CNGB1: variants seen among roughly 807,000 people sequenced by gnomAD.
CNGB1 encodes the protein cyclic nucleotide gated channel subunit beta 1, also known as cyclic nucleotide-gated channel beta-1.
CNGB1 carries 126 observed loss-of-function variants against 151.7 expected under a neutral mutation model. The observed-to-expected ratio is 0.83, with a 90% confidence interval of 0.72 to 0.96. The LOEUF (loss-of-function observed/expected upper bound fraction) is 0.96, where lower values mean the gene tolerates loss of function less well. CNGB1 is among the 40% of genes least tolerant of loss of function. The pLI is 0.00. For missense variants in CNGB1, 1,698 were observed against 1,627.0 expected, an observed-to-expected ratio of 1.04 and a Z score of -0.75; for synonymous variants, 623 against 635.1, an observed-to-expected ratio of 0.98 and a Z score of 0.29.
chr16:57,960,428 A>G (rs1962214149), intron 9 of CNGB1, 54 bp downstream of exon 9: 6 of 1,591,164 alleles, frequency 3.8e-6, no homozygotes, highest in Non-Finnish European at 5.2e-6. Flanking sequence ...TTGATCCCTG[A>G]GCCCAGCCCG....
In CNGB1 at chr16:57,882,548, C is replaced by T. The variant is rs1959783451; in HGVS notation, c.*1616G>A. Reference sequence around the variant, plus strand: ...TAGTGGATGGACAAATACATACAGACATTTGCAAACCTTCAAAGGCCTCTG... The same window carrying T: ...TAGTGGATGGACAAATACATACAGATATTTGCAAACCTTCAAAGGCCTCTG... On this transcript the variant is annotated 3_prime_UTR_variant, in exon 33 of 33. Coordinates refer to ENST00000251102, the MANE Select transcript of CNGB1 (RefSeq NM_001297.5). 6.6e-6 allele frequency: 1 copy of T among 152,114 alleles called. No individual in the cohort carries two copies. Among genetic ancestry groups the T allele is most frequent in the African/African-American group, 2.4e-5 (1 of 41,402 alleles). The allele number at this position is 152,114 out of a possible 1,614,324, so 9.4% of individuals were successfully genotyped here.
In CNGB1 at chr16:57,941,180, G is replaced by A. The variant is rs181099404; in HGVS notation, c.1122-859C>T. Reference sequence around the variant, plus strand: ...CATCTCCAGGCTAAATTAGATGTCCGTGTGCGACCTCTGGGTTAAAATGAT... The same window carrying A: ...CATCTCCAGGCTAAATTAGATGTCCATGTGCGACCTCTGGGTTAAAATGAT... On this transcript the variant is annotated intron_variant, in intron 14 of 32. Transcript: ENST00000251102. 1.4e-3 allele frequency among the ~76,000 whole-genome samples: 218 copies of A among 152,260 alleles called. 2 individuals are homozygous for A. Among genetic ancestry groups the A allele is most frequent in the Non-Finnish European group, 4.3e-4 (29 of 68,028 alleles).
intron 17 of CNGB1, 112 bp downstream of exon 17, chr16:57,931,604 C>G (rs1438085199): frequency 1.6e-6 from 2 of 1,239,870 alleles, no homozygotes; most frequent in East Asian, 2.5e-5. Context: ...GACACCAACT[C>G]GCTGTGTGAT....
chr16:57,966,085 G>T (rs1388413212), intron 2 of CNGB1, among the ~76,000 whole-genome samples: 8 of 152,058 alleles, frequency 5.3e-5, no homozygotes, highest in African/African-American at 1.9e-4. Flanking sequence ...TTAAAATTCT[G>T]CTCCACCCTC....
At position 57,920,501 on chromosome 16, in the gene CNGB1, T is replaced by C; in HGVS notation, c.1687A>G (p.Ile563Val). Residue 563 changes from isoleucine to valine, a missense_variant, in exon 19 of 33, where the codon ATC becomes GTC. Transcript: ENST00000251102. The stretch of plus-strand genomic sequence containing the variant: ...AGCTCCTGGAGCCGGTCGTTGATGA[T>C]GGCGCTATTTGTGCTGGCCGTGGAG... ...AASTASTNSA[I>V]INDRLQELVK... The C allele has an allele frequency of 6.2e-7, 1 of 1,614,086 alleles. No homozygotes were observed. The highest frequency in any genetic ancestry group is 1.1e-5 in the South Asian group (1 of 91,084).
intron 27 of CNGB1, 68 bp downstream of exon 27, chr16:57,903,754 A>G (rs569082577): frequency 6.3e-7 from 1 of 1,578,964 alleles, no homozygotes; most frequent in East Asian, 2.2e-5. Flanking sequence ...CCCCGAAGGC[A>G]TGGCACCGGG....
At chr16:57,941,624 A>G (rs532628991) in intron 14 of CNGB1, among the ~76,000 whole-genome samples, 2 of 152,370 alleles carry the variant, frequency 1.3e-5, no homozygotes, top group East Asian at 3.9e-4. Context: ...ATAGATGCAG[A>G]AAAAGTAATT....
chr16:57,920,295 C>A (rs1406469847), intron 19 of CNGB1, 92 bp downstream of exon 19: 1 of 1,471,822 alleles, frequency 6.8e-7, no homozygotes, highest in Non-Finnish European at 9.4e-7. Flanking sequence ...TCAACCATTT[C>A]CTTGGGGCCA....
At chr16:57,970,746 G>A (rs556470383) in intron 1 of CNGB1, among the ~76,000 whole-genome samples, 1 of 152,302 alleles carries the variant, frequency 6.6e-6, no homozygotes, top group South Asian at 2.1e-4. Flanking sequence ...GGGAGGCTCA[G>A]GTGGGAAGGG....
intron 7 of CNGB1, among the ~76,000 whole-genome samples, chr16:57,961,220 C>G (rs1962248169): frequency 6.6e-6 from 1 of 152,240 alleles, no homozygotes; most frequent in African/African-American, 2.4e-5. Flanking sequence ...TGTGCTGGAA[C>G]AGACAGGGCT....
chr16:57,964,357 C>G (rs1351238311), intron 3 of CNGB1, 130 bp downstream of exon 3: 2 of 1,397,446 alleles, frequency 1.4e-6, no homozygotes, highest in African/African-American at 2.8e-5. Context: ...GGGAGCCCAC[C>G]CTTAGCTTCT....
intron 14 of CNGB1, among the ~76,000 whole-genome samples, chr16:57,946,948 G>T (rs1275758313): frequency 6.6e-6 from 1 of 152,260 alleles, no homozygotes; most frequent in African/African-American, 2.4e-5. Context: ...ATGTGCATTT[G>T]TGCAAGGCTG....
Position 57,967,202 on chromosome 16 carries a change from G to T in CNGB1, c.85C>A (p.Pro29Thr). The T allele has an allele frequency of 6.2e-7, 1 of 1,614,120 alleles. No individual in the cohort carries two copies. Among genetic ancestry groups the T allele is most frequent in the Non-Finnish European group, 8.5e-7 (1 of 1,180,028 alleles). ...ACCTCCGCCTCCATCTCTGGCTCTG[G>T]TTCCACTTCCTCTTCCTCCTGCATC... ...TKMQEEEEVEPEPEMEAEVEP... is the reference protein window; with the variant it reads ...TKMQEEEEVETEPEMEAEVEP... Residue 29 changes from proline (P) to threonine (T), a missense_variant, in exon 2 of 33, where the codon CCA becomes ACA. Physicochemically the swap from Pro to Thr is conservative, Grantham distance 38 (BLOSUM62 -1). Coordinates refer to ENST00000251102, the MANE Select transcript of CNGB1 (RefSeq NM_001297.5).
chr16:57,960,652 C>T, intron 8 of CNGB1, 122 bp from the exon 9 acceptor site: 1 of 1,370,532 alleles, frequency 7.3e-7, no homozygotes, highest in Non-Finnish European at 1.0e-6. Flanking sequence ...TGGGGGGTGT[C>T]TCTCCTTCTG....
At chr16:57,950,144 C>T (rs1424832332) in intron 13 of CNGB1, among the ~76,000 whole-genome samples, 3 of 151,036 alleles carry the variant, frequency 2.0e-5, no homozygotes, top group Non-Finnish European at 3.0e-5. Flanking sequence ...ATGCCATCTT[C>T]TGTACAAAAA....
In CNGB1 at chr16:57,960,511, G is replaced by A; in HGVS notation, c.554C>T (p.Ala185Val). The change falls in exon 9 of 33, where the codon GCA becomes GTA. Residue 185 changes from alanine to valine, a missense_variant. Ala to Val is a moderately conservative substitution (Grantham distance 64, BLOSUM62 0). Coordinates refer to ENST00000251102, the MANE Select transcript of CNGB1 (RefSeq NM_001297.5). The stretch of plus-strand genomic sequence containing the variant: ...GTCTGAGGCAGCACCTGTAGCAACT[G>A]CAGGCTCATCTCTCCAGACCTGGGT... ...KSSEVWRDEPAVATGAASDPA... is the reference protein window; with the variant it reads ...KSSEVWRDEPVVATGAASDPA... The A allele has an allele frequency of 6.2e-7, 1 of 1,613,800 alleles. No homozygotes were observed. The highest frequency in any genetic ancestry group is 8.5e-7 in the Non-Finnish European group (1 of 1,179,866).
rs554088348 is a variant in CNGB1 at position 57,960,398 on chromosome 16, G to C, written c.583+84C>G. ...TCTGGGTGGGGGCTAAGGGCCTCTG[G>C]GGGATCCTCCAGGGCCCAGTTGATC... is the stretch of plus-strand genomic sequence containing the variant. On this transcript the variant is annotated intron_variant, in intron 9 of 32. Coordinates refer to ENST00000251102, the MANE Select transcript of CNGB1 (RefSeq NM_001297.5). 22 of 1,525,074 alleles carry C rather than the reference G, an allele frequency of 1.4e-5. No homozygotes were observed. In the African/African-American group the frequency reaches 2.5e-4, roughly 17 times the overall value. The allele number at this position is 1,525,074 out of a possible 1,614,324, so 94.5% of individuals were successfully genotyped here.
At chr16:57,896,806 G>A (rs888792415) in intron 31 of CNGB1, among the ~76,000 whole-genome samples, 17 of 151,800 alleles carry the variant, frequency 1.1e-4, no homozygotes, top group African/African-American at 3.9e-4. Context: ...AGTCACTAAA[G>A]GTTGGAAAAG....
intron 16 of CNGB1, 137 bp downstream of exon 16, chr16:57,939,293 C>T: frequency 8.3e-7 from 1 of 1,211,108 alleles, no homozygotes; most frequent in South Asian, 1.2e-5. Flanking sequence ...TTCCTGAAGA[C>T]AGGGTGGCTG....
Sources: allele counts gnomAD v4.1 joint callset (sites outside exome capture counted in the v4.1 genomes callset), GRCh38; gene constraint gnomAD v4.1.1; transcripts MANE v1.5; gene names NCBI Gene and HGNC (gene_info 2026-07-23, HGNC 2026-07-21).